ZBTB20: variants seen among roughly 807,000 people sequenced by gnomAD.
The protein encoded by ZBTB20 is zinc finger and BTB domain-containing protein 20.
Under a neutral mutation model 56.9 loss-of-function variants are expected in ZBTB20, and 9 were observed. The observed-to-expected ratio is 0.16, with a 90% CI of 0.10 to 0.28. The LOEUF is 0.28. ZBTB20 is among the 10% of genes least tolerant of loss of function. ZBTB20 has a pLI of 1.00. For missense variants in ZBTB20, 655 were observed against 1,003.0 expected (o/e 0.65, Z 4.69); for synonymous variants, 417 against 420.7 (o/e 0.99, Z 0.11).
At chr3:114,791,907 C>T (rs2070985647) in intron 5 of ZBTB20, 1 of 152,168 alleles carries the variant, frequency 6.6e-6, no homozygotes, top group South Asian at 2.1e-4. Flanking sequence ...TCTTGACCCC[C>T]TGAAAGAATC....
intron 7 of ZBTB20, among the ~76,000 whole-genome samples, chr3:114,411,837 T>C (rs1409527274): frequency 6.6e-6 from 1 of 152,166 alleles, no homozygotes; most frequent in Non-Finnish European, 1.5e-5. Flanking sequence ...ATGGAAAGTT[T>C]ACAAAAAGAA....
At chr3:114,465,075 TAA>T (rs11335761) in intron 7 of ZBTB20, among the ~76,000 whole-genome samples, 19 of 144,674 alleles carry the variant, frequency 1.3e-4, no homozygotes, top group East Asian at 1.0e-3. Context: ...TTCTTGTACT[TAA>T]AAAAAAAAAA....
intron 2 of ZBTB20, among the ~76,000 whole-genome samples, chr3:115,049,100 T>G (rs961081210): frequency 6.6e-6 from 1 of 152,168 alleles, no homozygotes; most frequent in African/African-American, 2.4e-5. Context: ...TAATTCCTAC[T>G]CACCTTTTCA....
At chr3:114,664,052 A>G (rs1410387584) in intron 6 of ZBTB20, among the ~76,000 whole-genome samples, 2 of 152,076 alleles carry the variant, frequency 1.3e-5, no homozygotes, top group Non-Finnish European at 2.9e-5. Flanking sequence ...CCTGACATTT[A>G]GTAGTAATTT....
intron 5 of ZBTB20, among the ~76,000 whole-genome samples, chr3:114,793,738 A>G (rs564500951): frequency 1.4e-4 from 22 of 152,256 alleles, no homozygotes; most frequent in African/African-American, 5.3e-4. Flanking sequence ...AAGAACACTT[A>G]CAGTCAGATA....
chr3:114,619,024 G>A lies in ZBTB20; in HGVS notation c.-295+74504C>T, dbSNP rs183320425. 1.4e-4 allele frequency among the ~76,000 whole-genome samples: 21 copies of A among 152,128 alleles called. No homozygotes were observed. In the East Asian group the frequency reaches 2.1e-3, roughly 15 times the overall value. Reference sequence around the variant, plus strand: ...AGGCACTCATATAATTTTGCCCTTCGGAGTGGTTTGTACATGACTACCCAG... The same window carrying A: ...AGGCACTCATATAATTTTGCCCTTCAGAGTGGTTTGTACATGACTACCCAG... On this transcript the variant is annotated intron_variant, in intron 6 of 11. Transcript: ENST00000675478.
chr3:114,360,918 A>G (rs2081801241), intron 10 of ZBTB20, among the ~76,000 whole-genome samples: 1 of 152,186 alleles, frequency 6.6e-6, no homozygotes, highest in Non-Finnish European at 1.5e-5. Context: ...ACTGAGATGA[A>G]GAATAAGTGC....
At chr3:114,690,230 T>C (rs1479184091) in intron 6 of ZBTB20, among the ~76,000 whole-genome samples, 1 of 152,148 alleles carries the variant, frequency 6.6e-6, no homozygotes, top group East Asian at 1.9e-4. Context: ...GGGAAACTTT[T>C]TTTTCTTCCC....
At chr3:114,573,331 G>A (rs1043955869) in intron 6 of ZBTB20, among the ~76,000 whole-genome samples, 11 of 151,860 alleles carry the variant, frequency 7.2e-5, no homozygotes, top group Admixed American at 3.9e-4. Flanking sequence ...TTGGTGGCAC[G>A]CCCCTGTAGT....
At position 114,317,752 on chromosome 3, in the gene ZBTB20, A is replaced by G. The variant is rs2078742471; in HGVS notation, c.*21253T>C. ...TAAAAGGAAAAGATGAAGGCACGTGATATTATTCGGTCCCACAATCCTTAA... is the reference window on the plus strand; with the variant it reads ...TAAAAGGAAAAGATGAAGGCACGTGGTATTATTCGGTCCCACAATCCTTAA... On this transcript the variant is annotated 3_prime_UTR_variant, in exon 12 of 12. Coordinates refer to ENST00000675478, the MANE Select transcript of ZBTB20 (RefSeq NM_001348800.3). The G allele has an allele frequency of 6.6e-6, 1 of 152,146 alleles. No homozygotes were observed. The highest frequency in any genetic ancestry group is 1.5e-5 in the Non-Finnish European group (1 of 68,042). The allele number at this position is 152,146 out of a possible 1,614,324, so 9.4% of individuals were successfully genotyped here.
intron 2 of ZBTB20, among the ~76,000 whole-genome samples, chr3:114,994,765 A>G (rs947359202): frequency 6.6e-6 from 1 of 151,888 alleles, no homozygotes. Flanking sequence ...CCTGCTTTCT[A>G]TGACAGCAAC....
chr3:114,887,003 C>G (rs1327480432), intron 4 of ZBTB20, among the ~76,000 whole-genome samples: 1 of 152,152 alleles, frequency 6.6e-6, no homozygotes, highest in Non-Finnish European at 1.5e-5. Flanking sequence ...CTGGTGAAAG[C>G]CTTCTTGCCG....
At chr3:114,940,823 T>C (rs1363180595) in intron 3 of ZBTB20, among the ~76,000 whole-genome samples, 1 of 146,074 alleles carries the variant, frequency 6.8e-6, no homozygotes, top group Non-Finnish European at 1.5e-5. Flanking sequence ...CAAAGGAGCC[T>C]ATTGCTCCTC....
chr3:115,035,981 A>G (rs2080900563), intron 2 of ZBTB20, among the ~76,000 whole-genome samples: 1 of 152,200 alleles, frequency 6.6e-6, no homozygotes, highest in Non-Finnish European at 1.5e-5. Context: ...ACAAAAAGAC[A>G]AATATTGTAT....
At chr3:114,658,635 T>G (rs1474316453) in intron 6 of ZBTB20, 1 of 152,218 alleles carries the variant, frequency 6.6e-6, no homozygotes, top group East Asian at 1.9e-4. Context: ...ATCATCTCCG[T>G]GCCTTTCTTG....
At chr3:114,482,133 C>T (rs745926953) in intron 7 of ZBTB20, among the ~76,000 whole-genome samples, 2 of 152,094 alleles carry the variant, frequency 1.3e-5, no homozygotes, top group Non-Finnish European at 2.9e-5. Flanking sequence ...GTCACCATGC[C>T]CCAGCATGAC....
chr3:115,128,733 AG>A (rs1434532396), intron 1 of ZBTB20, among the ~76,000 whole-genome samples: 1 of 24,698 alleles, frequency 4.0e-5, no homozygotes, highest in Non-Finnish European at 7.9e-5. Context: ...AGGGCAGTGG[AG>A]GGGAGGGAAG....
At chr3:115,093,353 A>G (rs775715947) in intron 1 of ZBTB20, among the ~76,000 whole-genome samples, 1 of 152,192 alleles carries the variant, frequency 6.6e-6, no homozygotes, top group Non-Finnish European at 1.5e-5. Flanking sequence ...TGAATGTGTT[A>G]TAAGAACACA....
At chr3:114,598,969 C>T (rs922371857) in intron 6 of ZBTB20, among the ~76,000 whole-genome samples, 11 of 151,492 alleles carry the variant, frequency 7.3e-5, no homozygotes, top group Non-Finnish European at 1.2e-4. Context: ...ATTCCCTTAA[C>T]GGGGGGGGAC....
Sources: gnomAD v4.1 joint callset for allele counts (sites outside exome capture counted in the v4.1 genomes callset) on GRCh38, gnomAD v4.1.1 for gene constraint, MANE v1.5 for transcripts, NCBI Gene and HGNC (gene_info 2026-07-23, HGNC 2026-07-21) for gene names.